Variants in POLR1D observed in about 807,000 individuals in gnomAD.
The protein encoded by POLR1D is DNA-directed RNA polymerases I and III subunit RPAC2.
A neutral mutation model predicts 10.8 loss-of-function variants in POLR1D; 8 were observed. That is an observed-to-expected ratio of 0.74 (90% confidence interval 0.43 to 1.33). The LOEUF (loss-of-function observed/expected upper bound fraction) is 1.33. Among genes scored for constraint, POLR1D ranks in the 40% most tolerant of loss-of-function variants. The pLI, the probability that POLR1D is intolerant of heterozygous loss-of-function variation, is 0.01. For synonymous variants in POLR1D, 54 were observed against 57.2 expected (o/e 0.94, Z 0.25); for missense variants, 152 against 161.7 (o/e 0.94, Z 0.32).
At chr13:27,623,718 CTTT>C (rs1955978364), downstream of POLR1D, among the ~76,000 whole-genome samples, 1 of 152,066 alleles carries the variant, frequency 6.6e-6, no homozygotes, top group African/African-American at 2.4e-5. Context: ...TCTTGCTAAA[CTTT>C]TTGGCTTTTA....
At chr13:27,655,898 C>T (rs528425052) in intron 2 of POLR1D, among the ~76,000 whole-genome samples, 227 of 151,898 alleles carry the variant, frequency 1.5e-3, no homozygotes, top group African/African-American at 5.0e-3. Context: ...GAATGGAGAC[C>T]GACATATGTG....
chr13:27,666,745 A>G (rs1956422448), exon 3 of POLR1D: 1 of 152,310 alleles, frequency 6.6e-6, no homozygotes, highest in South Asian at 2.1e-4. Context: ...AGAAATCTTC[A>G]TTTTAAATAG....
intron 2 of POLR1D, among the ~76,000 whole-genome samples, chr13:27,660,388 A>G (rs190201629): frequency 1.5e-3 from 229 of 152,370 alleles, no homozygotes; most frequent in Non-Finnish European, 2.7e-3. Context: ...GGATTTGTCC[A>G]TAGAATAAAA....
In POLR1D at chr13:27,654,995, C is replaced by G. The variant is rs552518904; in HGVS notation, c.101+6542C>G. Among the ~76,000 whole-genome samples, 25 of 152,232 alleles carry G rather than the reference C, an allele frequency of 1.6e-4. 1 individual carries two copies. The East Asian group carries it at 4.5e-3, about 27-fold the overall frequency. ...GAGTCTGGAGGACTCTCAGGGTTCACGGGTCACATGGTGAGAACTGCTGCT... is the reference window on the plus strand; with the variant it reads ...GAGTCTGGAGGACTCTCAGGGTTCAGGGGTCACATGGTGAGAACTGCTGCT... On this transcript the variant is annotated intron_variant, in intron 2 of 2. Coordinates refer to the POLR1D transcript ENST00000399697.
At chr13:27,628,525 A>G (rs1294044313) in intron 1 of POLR1D, among the ~76,000 whole-genome samples, 1 of 152,230 alleles carries the variant, frequency 6.6e-6, no homozygotes, top group Non-Finnish European at 1.5e-5. Flanking sequence ...GAGACCAAGG[A>G]TAAAAGAGAA....
chr13:27,623,015 G>A lies in POLR1D; in HGVS notation c.167G>A (p.Arg56His), dbSNP rs1181354265. The change falls in exon 2 of 2, where the codon CGT becomes CAT. Residue 56 changes from arginine (R) to histidine (H), a missense_variant. Coordinates refer to ENST00000302979, the MANE Select transcript of POLR1D (RefSeq NM_015972.4). ...EEDHTLGNSL[R>H]YMIMKNPEVE... ...GACCATACCCTAGGAAATTCTCTACGTTACATGATCATGAAGAACCCGGAA... is the reference window on the plus strand; with the variant it reads ...GACCATACCCTAGGAAATTCTCTACATTACATGATCATGAAGAACCCGGAA... The A allele has an allele frequency of 2.5e-6, 4 of 1,613,916 alleles. No homozygotes were observed. Among genetic ancestry groups the A allele is most frequent in the African/African-American group, 1.3e-5 (1 of 74,896 alleles).
intron 1 of POLR1D, among the ~76,000 whole-genome samples, chr13:27,646,656 T>C (rs1043705987): frequency 6.6e-6 from 1 of 152,264 alleles, no homozygotes; most frequent in Non-Finnish European, 1.5e-5. Flanking sequence ...AATAAGAGTT[T>C]ATTTTAAAAT....
downstream of POLR1D, among the ~76,000 whole-genome samples, chr13:27,624,739 G>A (rs1009977046): frequency 2.6e-5 from 4 of 151,958 alleles, no homozygotes; most frequent in Admixed American, 2.6e-4. Flanking sequence ...AATAAAAAAG[G>A]TAGCCAGGCA....
At chr13:27,646,520 G>A (rs1452671661) in intron 1 of POLR1D, among the ~76,000 whole-genome samples, 1 of 152,202 alleles carries the variant, frequency 6.6e-6, no homozygotes, top group Non-Finnish European at 1.5e-5. Flanking sequence ...GATTGAGGGA[G>A]TCAACATGTC....
chr13:27,623,315 C>T lies in POLR1D; in HGVS notation c.*65C>T, dbSNP rs987734200. The T allele has an allele frequency of 1.9e-6, 3 of 1,606,344 alleles. No homozygotes were observed. The highest frequency in any genetic ancestry group is 2.5e-6 in the Non-Finnish European group (3 of 1,177,358). On this transcript the variant is annotated 3_prime_UTR_variant, in exon 2 of 2. Transcript: ENST00000302979. ...ATTCTCTTCCTGATGGTGCAGAACC[C>T]AGAATTAGAAGTTTGTGGTTACAGC...
At chr13:27,654,171 T>G (rs1956289537) in intron 2 of POLR1D, among the ~76,000 whole-genome samples, 1 of 152,242 alleles carries the variant, frequency 6.6e-6, no homozygotes, top group African/African-American at 2.4e-5. Context: ...ACATCAGAAC[T>G]TTGCAAGTAA....
chr13:27,621,905 T>C lies in POLR1D; in HGVS notation c.-79T>C, dbSNP rs1324801261. 2.7e-6 allele frequency: 4 copies of C among 1,474,748 alleles called. No individual in the cohort carries two copies. The highest frequency in any genetic ancestry group is 2.8e-6 in the Non-Finnish European group (3 of 1,074,780). 91.4% of individuals were successfully genotyped at this position (1,474,748 alleles called of 1,614,324 possible). On this transcript the variant is annotated 5_prime_UTR_variant, in exon 1 of 2. Coordinates refer to ENST00000302979, the MANE Select transcript of POLR1D (RefSeq NM_015972.4). ...CCGTCGGTCGGTCCTTGCTTCCTGC[T>C]TCGCCTCCGCGCCTCGCGCTATGGG...
At chr13:27,620,997 G>C (rs1012363345), upstream of POLR1D, 1 of 153,170 alleles carries the variant, frequency 6.5e-6, no homozygotes, top group Admixed American at 6.5e-5. Context: ...GTCGGGGCCA[G>C]CGGCGAGGGG....
At chr13:27,665,916 G>A in exon 3 of POLR1D, 1 of 1,614,202 alleles carries the variant, frequency 6.2e-7, no homozygotes, top group Non-Finnish European at 8.5e-7. Flanking sequence ...AAGCGGAGCA[G>A]CCAGGACAAG....
chr13:27,654,035 C>T (rs1259436112), intron 2 of POLR1D, among the ~76,000 whole-genome samples: 2 of 152,266 alleles, frequency 1.3e-5, no homozygotes, highest in Non-Finnish European at 2.9e-5. Context: ...AACAACCAAG[C>T]CCCTTGAACG....
At chr13:27,628,527 A>G (rs565730445) in intron 1 of POLR1D, among the ~76,000 whole-genome samples, 2 of 152,244 alleles carry the variant, frequency 1.3e-5, no homozygotes, top group Admixed American at 6.5e-5. Flanking sequence ...GACCAAGGAT[A>G]AAAGAGAATG....
chr13:27,649,037 CA>C (rs1321986720), intron 2 of POLR1D, among the ~76,000 whole-genome samples: 2 of 152,230 alleles, frequency 1.3e-5, no homozygotes, highest in East Asian at 3.9e-4. Flanking sequence ...ATAGCTTGGG[CA>C]ACATAGTGAG....
Position 27,623,229 on chromosome 13 carries a change from C to T in POLR1D, c.381C>T (p.Ser127=). Residue 127 remains serine, a synonymous_variant, in exon 2 of 2, where the codon AGC becomes AGT. Coordinates refer to ENST00000302979, the MANE Select transcript of POLR1D (RefSeq NM_015972.4). ...AGGACTATAAGGATCAAAAAGCAAG[C>T]AGAAATGAATCCACATTCTAGTCCT... ...SIKDYKDQKA[S]RNESTF 1 of 1,613,960 alleles carries T rather than the reference C, an allele frequency of 6.2e-7. No individual in the cohort carries two copies. Among genetic ancestry groups the T allele is most frequent in the Non-Finnish European group, 8.5e-7 (1 of 1,180,004 alleles).
intron 2 of POLR1D, chr13:27,650,557 T>C (rs1956259524): frequency 6.5e-6 from 1 of 152,686 alleles, no homozygotes; most frequent in East Asian, 1.9e-4. Context: ...TCTATGACAT[T>C]ACTTTCTGGA....
Sources: gnomAD v4.1 joint callset for allele counts (sites outside exome capture counted in the v4.1 genomes callset) on GRCh38, gnomAD v4.1.1 for gene constraint, MANE v1.5 for transcripts, NCBI Gene and HGNC (gene_info 2026-07-23, HGNC 2026-07-21) for gene names.